The following TAFA2 variants were observed in gnomAD, a reference collection of about 807,000 sequenced individuals.
The protein encoded by TAFA2 is chemokine-like protein TAFA-2.
A neutral mutation model predicts 18.8 loss-of-function variants in TAFA2; 7 were observed. The observed-to-expected ratio is 0.37, with a 90% CI of 0.21 to 0.70. The LOEUF is 0.70. Among genes scored for constraint, TAFA2 ranks in the 30% least tolerant of loss-of-function variants. The pLI is 0.53. For missense variants in TAFA2, 122 were observed against 158.1 expected, an observed-to-expected ratio of 0.77 and a Z score of 1.23; for synonymous variants, 60 against 54.2, an observed-to-expected ratio of 1.11 and a Z score of -0.47.
At chr12:61,752,576 A>C (rs2120752008) in intron 4 of TAFA2, among the ~76,000 whole-genome samples, 1 of 152,170 alleles carries the variant, frequency 6.6e-6, no homozygotes, top group East Asian at 1.9e-4. Flanking sequence ...CACTTAGCTA[A>C]CAGGTTAGAG....
At chr12:61,968,625 A>G (rs568176090) in intron 1 of TAFA2, among the ~76,000 whole-genome samples, 1 of 151,820 alleles carries the variant, frequency 6.6e-6, no homozygotes, top group South Asian at 2.1e-4. Context: ...AAAAATAACA[A>G]TAGCTTCCAT....
intron 2 of TAFA2, among the ~76,000 whole-genome samples, chr12:61,760,389 A>ATATATATAT (rs1555162727): frequency 1.2e-5 from 1 of 82,532 alleles, no homozygotes; most frequent in African/African-American, 4.7e-5. Flanking sequence ...TATATGCGCC[A>ATATATATAT]GTAAATATGT....
At chr12:61,990,392 T>A (rs1370053666) in intron 1 of TAFA2, among the ~76,000 whole-genome samples, 1 of 138,266 alleles carries the variant, frequency 7.2e-6, no homozygotes, top group Admixed American at 8.3e-5. Context: ...CAGGCTGGAG[T>A]GCAGTGGCGC....
intron 1 of TAFA2, chr12:62,140,425 C>A (rs896111027): frequency 6.6e-6 from 1 of 152,158 alleles, no homozygotes; most frequent in African/African-American, 2.4e-5. Context: ...GGTGACCAAG[C>A]AAGACATGAG....
intron 4 of TAFA2, among the ~76,000 whole-genome samples, chr12:61,731,526 G>T (rs1485404773): frequency 6.6e-6 from 1 of 151,998 alleles, no homozygotes; most frequent in Non-Finnish European, 1.5e-5. Context: ...TAAAACTGCT[G>T]CTCATTCTGT....
chr12:61,967,192 T>C (rs1339228071), intron 1 of TAFA2, among the ~76,000 whole-genome samples: 1 of 151,842 alleles, frequency 6.6e-6, no homozygotes, highest in African/African-American at 2.4e-5. Flanking sequence ...CTTGTACTTT[T>C]CTGTAACCAG....
At chr12:61,836,756 T>TATATATATATATATATATATACACAC (rs68158949) in intron 2 of TAFA2, among the ~76,000 whole-genome samples, 11 of 119,836 alleles carry the variant, frequency 9.2e-5, no homozygotes, top group Admixed American at 1.9e-4. Flanking sequence ...TATATATATA[T>TATATATATATATATATATATACACAC]ACACACACAC....
intron 2 of TAFA2, among the ~76,000 whole-genome samples, chr12:61,861,047 T>C (rs1487491340): frequency 6.6e-6 from 1 of 152,012 alleles, no homozygotes; most frequent in African/African-American, 2.4e-5. Flanking sequence ...GCCTCCTGGG[T>C]TCAAGCCATT....
chr12:61,890,121 T>C (rs999634830), intron 1 of TAFA2, among the ~76,000 whole-genome samples: 1 of 152,236 alleles, frequency 6.6e-6, no homozygotes, highest in Non-Finnish European at 1.5e-5. Flanking sequence ...ATTAGAAGAT[T>C]TGGTTTTTAG....
chr12:61,797,464 G>A (rs1871234147), intron 2 of TAFA2, among the ~76,000 whole-genome samples: 1 of 152,134 alleles, frequency 6.6e-6, no homozygotes, highest in African/African-American at 2.4e-5. Flanking sequence ...AGCTGCAATG[G>A]AAGTTGGATG....
At chr12:61,728,858 A>T (rs2120640390) in intron 4 of TAFA2, among the ~76,000 whole-genome samples, 1 of 152,070 alleles carries the variant, frequency 6.6e-6, no homozygotes, top group East Asian at 1.9e-4. Context: ...TGCTTTAAAA[A>T]GTTTCTATTT....
At chr12:62,249,478 T>A (rs1183112694) in intron 1 of TAFA2, among the ~76,000 whole-genome samples, 1 of 152,098 alleles carries the variant, frequency 6.6e-6, no homozygotes, top group Non-Finnish European at 1.5e-5. Context: ...CCCATGACAG[T>A]TGATTATTAA....
At chr12:61,881,547 A>G (rs1312186669) in intron 1 of TAFA2, among the ~76,000 whole-genome samples, 2 of 152,190 alleles carry the variant, frequency 1.3e-5, no homozygotes, top group African/African-American at 4.8e-5. Flanking sequence ...ATGACTGTAC[A>G]GAAAAAACTG....
chr12:61,821,114 T>C lies in TAFA2; in HGVS notation c.106+46206A>G, dbSNP rs1421899741. ...ACTACCTACCTATAGTGTTGACACT[T>C]CATTTGATAGGGGTACACACACACA... On this transcript the variant is annotated intron_variant, in intron 2 of 4. Coordinates refer to ENST00000416284, the MANE Select transcript of TAFA2 (RefSeq NM_178539.5). Among the ~76,000 whole-genome samples, 3 of 134,672 alleles carry C rather than the reference T, an allele frequency of 2.2e-5. No individual in the cohort carries two copies. The East Asian group carries it at 6.9e-4, about 31-fold the overall frequency. 88.4% of individuals were successfully genotyped at this position (134,672 alleles called of 152,430 possible). A position where few individuals can be genotyped will look rare whatever the true frequency, so the allele number is the denominator to read the frequency against.
At chr12:62,237,165 G>A (rs1343118169) in intron 1 of TAFA2, among the ~76,000 whole-genome samples, 1 of 151,988 alleles carries the variant, frequency 6.6e-6, no homozygotes, top group East Asian at 1.9e-4. Flanking sequence ...TTCTGGATGT[G>A]CATATTCTAA....
chr12:62,010,598 C>T (rs976936046), intron 1 of TAFA2, among the ~76,000 whole-genome samples: 14 of 152,086 alleles, frequency 9.2e-5, no homozygotes, highest in Non-Finnish European at 1.9e-4. Flanking sequence ...AAGTGGAGAG[C>T]GTCTCTGCCT....
intron 2 of TAFA2, among the ~76,000 whole-genome samples, chr12:61,849,379 G>T (rs145121425): frequency 1.4e-3 from 219 of 152,218 alleles, no homozygotes; most frequent in African/African-American, 4.9e-3. Context: ...TACTCATAAT[G>T]AACTTACAAA....
intron 1 of TAFA2, among the ~76,000 whole-genome samples, chr12:62,208,834 G>T (rs2062702406): frequency 6.6e-6 from 1 of 151,992 alleles, no homozygotes; most frequent in African/African-American, 2.4e-5. Flanking sequence ...TTTTCATAAG[G>T]GTTACCCAGA....
intron 1 of TAFA2, among the ~76,000 whole-genome samples, chr12:62,031,781 C>T (rs1215454290): frequency 1.3e-5 from 2 of 152,160 alleles, no homozygotes; most frequent in Non-Finnish European, 2.9e-5. Context: ...AGTGCCACCT[C>T]TGTTGATATA....
Sources: allele counts gnomAD v4.1 joint callset (sites outside exome capture counted in the v4.1 genomes callset), GRCh38; gene constraint gnomAD v4.1.1; transcripts MANE v1.5; gene names NCBI Gene and HGNC (gene_info 2026-07-23, HGNC 2026-07-21).